The following HIF1A variants were observed in gnomAD, a reference collection of about 807,000 sequenced individuals.
The protein encoded by HIF1A is hypoxia inducible factor 1 subunit alpha.
Under a neutral mutation model 92.7 loss-of-function variants are expected in HIF1A, and 24 were observed. The observed-to-expected ratio is 0.26, with a 90% CI of 0.19 to 0.36. HIF1A has a LOEUF of 0.36. Among genes scored for constraint, HIF1A ranks in the 10% least tolerant of loss-of-function variants. The pLI is 1.00. For missense variants in HIF1A, 799 were observed against 998.5 expected (o/e 0.80, Z 2.69); for synonymous variants, 319 against 338.7 (o/e 0.94, Z 0.64).
rs1451785185 is a variant in HIF1A at position 61,747,684 on chromosome 14, A to C, written c.*599A>C. 6.6e-6 allele frequency: 1 copy of C among 152,596 alleles called. No homozygotes were observed. The highest frequency in any genetic ancestry group is 1.9e-4 in the East Asian group (1 of 5,202). The allele number at this position is 152,596 out of a possible 1,614,324, so 9.5% of individuals were successfully genotyped here. ...GGAACATGACATTGTTAATCATATAATAATGATTCTTAAATGCTGTATGGT... is the reference window on the plus strand; with the variant it reads ...GGAACATGACATTGTTAATCATATACTAATGATTCTTAAATGCTGTATGGT... On this transcript the variant is annotated 3_prime_UTR_variant, in exon 15 of 15. Coordinates refer to ENST00000337138, the MANE Select transcript of HIF1A (RefSeq NM_001530.4).
At chr14:61,707,759 A>G (rs1250869254) in intron 1 of HIF1A, among the ~76,000 whole-genome samples, 6 of 151,316 alleles carry the variant, frequency 4.0e-5, no homozygotes, top group East Asian at 3.9e-4. Context: ...TAGTGCCACA[A>G]TAAACATACG....
intron 1 of HIF1A, among the ~76,000 whole-genome samples, chr14:61,707,910 T>G (rs2044259871): frequency 6.6e-6 from 1 of 152,134 alleles, no homozygotes; most frequent in Non-Finnish European, 1.5e-5. Context: ...TGAACTAGTT[T>G]ACAGTCCCAC....
At chr14:61,742,656 C>G (rs759033930) in intron 12 of HIF1A, among the ~76,000 whole-genome samples, 1 of 151,902 alleles carries the variant, frequency 6.6e-6, no homozygotes, top group African/African-American at 2.4e-5. Context: ...GAGGCTGAAG[C>G]GGGTGGATCA....
chr14:61,738,048 C>T (rs1349190868), intron 9 of HIF1A, 39 bp from the exon 10 acceptor site: 2 of 1,493,470 alleles, frequency 1.3e-6, no homozygotes, highest in East Asian at 4.6e-5. Context: ...AAAAAAAATC[C>T]TTCTATACTT....
intron 8 of HIF1A, 121 bp downstream of exon 8, chr14:61,734,406 G>A (rs551879845): frequency 2.0e-5 from 13 of 664,584 alleles, no homozygotes; most frequent in African/African-American, 5.6e-5. Flanking sequence ...CTTTTACATC[G>A]CTACCAAATT....
Position 61,747,211 on chromosome 14 carries a change from A to AT in HIF1A, c.*130dup, listed in dbSNP as rs5809121. The AT allele has an allele frequency of 0.83, 557,775 of 668,246 alleles. 235,247 individuals are homozygous for AT. The highest frequency in any genetic ancestry group is 0.86 in the Admixed American group (24,650 of 28,530). The allele number at this position is 668,246 out of a possible 1,614,324, so 41.4% of individuals were successfully genotyped here. A position where few individuals can be genotyped will look rare whatever the true frequency, so the allele number is the denominator to read the frequency against. On this transcript the variant is annotated 3_prime_UTR_variant, in exon 15 of 15. Transcript: ENST00000337138. Reference sequence around the variant, plus strand: ...ATACTGCACAAACTTGGTTAGTTCAATTTTGATCCCCTTTCTACTTAATTT... The same window carrying AT: ...ATACTGCACAAACTTGGTTAGTTCAATTTTTGATCCCCTTTCTACTTAATTT...
intron 1 of HIF1A, among the ~76,000 whole-genome samples, chr14:61,713,046 T>G (rs549479637): frequency 6.6e-6 from 1 of 151,962 alleles, no homozygotes; most frequent in Admixed American, 6.5e-5. Context: ...ATATTGGGAA[T>G]GGTACCCCAG....
chr14:61,710,683 A>G (rs984481893), intron 1 of HIF1A, among the ~76,000 whole-genome samples: 2 of 152,172 alleles, frequency 1.3e-5, no homozygotes, highest in Non-Finnish European at 2.9e-5. Flanking sequence ...AACAATTACT[A>G]GATAGAAAAT....
intron 1 of HIF1A, among the ~76,000 whole-genome samples, chr14:61,701,680 C>G (rs535929079): frequency 6.6e-6 from 1 of 152,208 alleles, no homozygotes; most frequent in Admixed American, 6.5e-5. Context: ...GACCAAATCC[C>G]AAGTAGGCTG....
intron 4 of HIF1A, among the ~76,000 whole-genome samples, chr14:61,724,376 T>TCTCC (rs1555338409): frequency 6.7e-6 from 1 of 150,172 alleles, no homozygotes; most frequent in African/African-American, 2.4e-5. Flanking sequence ...TCTCTCTCTC[T>TCTCC]CTCTCCCCCT....
At chr14:61,728,470 A>T (rs1234360018) in intron 6 of HIF1A, among the ~76,000 whole-genome samples, 1 of 152,224 alleles carries the variant, frequency 6.6e-6, no homozygotes, top group African/African-American at 2.4e-5. Context: ...GTATTACTGT[A>T]ACAACTGTAC....
intron 1 of HIF1A, chr14:61,698,893 T>C (rs2044145585): frequency 6.6e-6 from 1 of 152,218 alleles, no homozygotes; most frequent in Non-Finnish European, 1.5e-5. Context: ...TATTCTAGTC[T>C]TACTGTTCAT....
At position 61,720,591 on chromosome 14, in the gene HIF1A, G is replaced by A. The variant is rs745606781; in HGVS notation, c.226+19G>A. The stretch of plus-strand genomic sequence containing the variant: ...GATGCTGGTGAGTTATTTTACAAGG[G>A]TATAAATAGGCCTGAAAATTAGAAG... On this transcript the variant is annotated intron_variant, in intron 2 of 14. Coordinates refer to ENST00000337138, the MANE Select transcript of HIF1A (RefSeq NM_001530.4). The A allele has an allele frequency of 5.0e-5, 73 of 1,457,426 alleles. No individual in the cohort carries two copies. The highest frequency in any genetic ancestry group is 6.7e-5 in the Non-Finnish European group (72 of 1,073,538). The allele number at this position is 1,457,426 out of a possible 1,614,324, so 90.3% of individuals were successfully genotyped here.
chr14:61,741,651 G>A (rs565622362), intron 12 of HIF1A, among the ~76,000 whole-genome samples: 1 of 152,082 alleles, frequency 6.6e-6, no homozygotes, highest in Admixed American at 6.5e-5. Flanking sequence ...TTACAGGTGT[G>A]AGCCACCATG....
Position 61,726,776 on chromosome 14 carries a change from T to C in HIF1A, c.528T>C (p.Thr176=), listed in dbSNP as rs746074580. The change falls in exon 5 of 15, where the codon ACT becomes ACC. Residue 176 remains threonine (T), a synonymous_variant. Coordinates refer to ENST00000337138, the MANE Select transcript of HIF1A (RefSeq NM_001530.4). The part of the protein sequence containing the change: ...SFFLRMKCTL[T]SRGRTMNIKS... ...TTCTCAGAATGAAGTGTACCCTAACTAGCCGAGGAAGAACTATGAACATAA... is the reference window on the plus strand; with the variant it reads ...TTCTCAGAATGAAGTGTACCCTAACCAGCCGAGGAAGAACTATGAACATAA... 2.5e-6 allele frequency: 4 copies of C among 1,609,348 alleles called. No homozygotes were observed. In the African/African-American group the frequency reaches 5.3e-5, roughly 22 times the overall value.
chr14:61,702,678 T>C (rs1047611710), intron 1 of HIF1A, among the ~76,000 whole-genome samples: 11 of 152,192 alleles, frequency 7.2e-5, no homozygotes, highest in Admixed American at 1.3e-4. Flanking sequence ...TCCCTGAGTG[T>C]GTTTACAATC....
intron 6 of HIF1A, 52 bp from the exon 7 acceptor site, chr14:61,732,366 C>T: frequency 1.6e-6 from 2 of 1,216,936 alleles, no homozygotes; most frequent in South Asian, 1.3e-5. Flanking sequence ...AAAAATTTTT[C>T]TTTATCAGTG....
intron 1 of HIF1A, among the ~76,000 whole-genome samples, chr14:61,701,275 CAT>C (rs112844019): frequency 0.013 from 2,009 of 152,262 alleles, 52 homozygotes; most frequent in African/African-American, 0.045. Context: ...ATTATTTCAA[CAT>C]ATGATTTTGA....
At chr14:61,740,324 C>A (rs1178267940) in intron 10 of HIF1A, 181 bp from the exon 11 acceptor site, 2 of 436,190 alleles carry the variant, frequency 4.6e-6, no homozygotes. Context: ...CTTGGCTTCC[C>A]AAAGTGCTGG....
Sources: allele counts gnomAD v4.1 joint callset (sites outside exome capture counted in the v4.1 genomes callset), GRCh38; gene constraint gnomAD v4.1.1; transcripts MANE v1.5; gene names NCBI Gene and HGNC (gene_info 2026-07-23, HGNC 2026-07-21).